ABTB3: variants seen among roughly 807,000 people sequenced by gnomAD.
ABTB3 encodes ankyrin repeat and BTB domain containing 3, also known as ankyrin repeat- and BTB/POZ domain-containing protein 3.
chr12:107,518,576 G>C, the ABTB3 span, among the ~76,000 whole-genome samples: 1 of 136,986 alleles, frequency 7.3e-6, no homozygotes, highest in African/African-American at 2.8e-5. Context: ...ACACAGGAAG[G>C]GGAACATCAT....
chr12:107,336,304 T>C, the ABTB3 span, among the ~76,000 whole-genome samples: 5 of 152,238 alleles, frequency 3.3e-5, no homozygotes. Context: ...TGGGATATTG[T>C]GACTTGTACA....
At chr12:107,575,822 A>C in the ABTB3 span, among the ~76,000 whole-genome samples, 23 of 152,200 alleles carry the variant, frequency 1.5e-4, no homozygotes, top group Non-Finnish European at 2.9e-4. Flanking sequence ...CAGTTAAGGC[A>C]GCTTTCACAG....
chr12:107,568,718 C>G, the ABTB3 span, among the ~76,000 whole-genome samples: 1 of 152,096 alleles, frequency 6.6e-6, no homozygotes, highest in Non-Finnish European at 1.5e-5. Flanking sequence ...CCCCTAGCTT[C>G]TTTATATTAA....
the ABTB3 span, among the ~76,000 whole-genome samples, chr12:107,443,218 G>T: frequency 6.6e-6 from 1 of 151,914 alleles, no homozygotes; most frequent in Non-Finnish European, 1.5e-5. Flanking sequence ...GGATGCATTT[G>T]CTCAGAAGGA....
the ABTB3 span, among the ~76,000 whole-genome samples, chr12:107,323,641 T>C: frequency 1.3e-5 from 2 of 152,212 alleles, no homozygotes; most frequent in Non-Finnish European, 2.9e-5. Flanking sequence ...TACTTCACTG[T>C]GCCTTTGTAT....
At chr12:107,528,426 A>G in the ABTB3 span, among the ~76,000 whole-genome samples, 2 of 152,258 alleles carry the variant, frequency 1.3e-5, no homozygotes, top group Non-Finnish European at 2.9e-5. Context: ...AATAAATTGT[A>G]TCAGCAGCAC....
chr12:107,590,496 C>T, the ABTB3 span, among the ~76,000 whole-genome samples: 1 of 152,112 alleles, frequency 6.6e-6, no homozygotes, highest in African/African-American at 2.4e-5. Context: ...AAAGAGGTCA[C>T]CAGAATCCAA....
At chr12:107,577,350 T>A in the ABTB3 span, among the ~76,000 whole-genome samples, 1 of 152,284 alleles carries the variant, frequency 6.6e-6, no homozygotes, top group African/African-American at 2.4e-5. Context: ...TACGGGCAGA[T>A]CCAGGGCTGG....
the ABTB3 span, among the ~76,000 whole-genome samples, chr12:107,507,172 AG>A: frequency 1.3e-5 from 2 of 152,072 alleles, no homozygotes; most frequent in Admixed American, 6.6e-5. Context: ...GAGAGTGCTG[AG>A]GGGCAAGGAG....
At chr12:107,542,088 T>C in the ABTB3 span, among the ~76,000 whole-genome samples, 89 of 152,158 alleles carry the variant, frequency 5.8e-4, no homozygotes, top group African/African-American at 2.1e-3. Context: ...GGCGGGCGGA[T>C]CACCTGCGGT....
the ABTB3 span, among the ~76,000 whole-genome samples, chr12:107,525,404 G>A: frequency 2.0e-5 from 3 of 147,044 alleles, no homozygotes; most frequent in African/African-American, 7.5e-5. Flanking sequence ...ATTTTTTACT[G>A]TACCTTTTTT....
At chr12:107,617,836 CAT>C in the ABTB3 span, 1 of 389,608 alleles carries the variant, frequency 2.6e-6, no homozygotes, top group Admixed American at 4.2e-5. Context: ...TTTTATTACA[CAT>C]AACCCCAAGC....
At chr12:107,626,343 C>CTTTTT in the ABTB3 span, among the ~76,000 whole-genome samples, 19 of 112,506 alleles carry the variant, frequency 1.7e-4, no homozygotes, top group African/African-American at 5.0e-4. Flanking sequence ...CTATCGTCAT[C>CTTTTT]TTTTTTTTTT....
the ABTB3 span, among the ~76,000 whole-genome samples, chr12:107,622,596 C>A: frequency 1.3e-5 from 2 of 152,154 alleles, no homozygotes; most frequent in Admixed American, 1.3e-4. Context: ...ATTCTCGTGT[C>A]TCAGCCTCCC....
the ABTB3 span, among the ~76,000 whole-genome samples, chr12:107,655,645 C>T: frequency 1.3e-5 from 2 of 152,222 alleles, no homozygotes; most frequent in Admixed American, 6.5e-5. Context: ...CCAGGACCTC[C>T]GCAACGTTAC....
the ABTB3 span, among the ~76,000 whole-genome samples, chr12:107,519,459 A>T: frequency 6.6e-6 from 1 of 151,588 alleles, no homozygotes; most frequent in African/African-American, 2.4e-5. Flanking sequence ...AGTAGCTGGG[A>T]CTACAGGCCA....
the ABTB3 span, among the ~76,000 whole-genome samples, chr12:107,574,378 A>C: frequency 6.6e-6 from 1 of 152,238 alleles, no homozygotes; most frequent in South Asian, 2.1e-4. Flanking sequence ...GGTTACTCAA[A>C]ATATGTTCCA....
the ABTB3 span, among the ~76,000 whole-genome samples, chr12:107,607,157 G>A: frequency 6.6e-6 from 1 of 152,326 alleles, no homozygotes; most frequent in South Asian, 2.1e-4. Context: ...AAGACACCCA[G>A]TTAAATTTCA....
the ABTB3 span, among the ~76,000 whole-genome samples, chr12:107,574,917 G>A: frequency 6.6e-6 from 1 of 152,206 alleles, no homozygotes; most frequent in African/African-American, 2.4e-5. Flanking sequence ...GTTGGACTAT[G>A]CCTTGCACAG....
Sources: gnomAD v4.1 joint callset for allele counts (sites outside exome capture counted in the v4.1 genomes callset) on GRCh38, gnomAD v4.1.1 for gene constraint, MANE v1.5 for transcripts, NCBI Gene and HGNC (gene_info 2026-07-23, HGNC 2026-07-21) for gene names.